AOPEP: variants seen among roughly 807,000 people sequenced by gnomAD.
AOPEP encodes aminopeptidase O.
AOPEP carries 77 observed loss-of-function variants against 98.1 expected under a neutral mutation model. The ratio of observed to expected loss-of-function variants is 0.78; its 90% confidence interval spans 0.65 to 0.95. The LOEUF is 0.95. AOPEP is among the 40% of genes least tolerant of loss of function. AOPEP has a pLI of 0.00. For synonymous variants in AOPEP, 346 were observed against 365.3 expected (o/e 0.95, Z 0.60); for missense variants, 1,024 against 1,024.7 (o/e 1.00, Z 0.01).
chr9:95,017,050 A>T (rs1413737744), intron 13 of AOPEP, among the ~76,000 whole-genome samples: 1 of 151,436 alleles, frequency 6.6e-6, no homozygotes, highest in Non-Finnish European at 1.5e-5. Context: ...TTCTACCATT[A>T]ATTTGGTGTC....
At chr9:94,752,932 C>T (rs1376670832) in intron 1 of AOPEP, among the ~76,000 whole-genome samples, 1 of 152,160 alleles carries the variant, frequency 6.6e-6, no homozygotes, top group African/African-American at 2.4e-5. Flanking sequence ...TGGGGGCTGC[C>T]AGCTACCATA....
intron 13 of AOPEP, 84 bp from the exon 14 acceptor site, chr9:95,060,610 T>C: frequency 1.1e-6 from 1 of 887,512 alleles, no homozygotes; most frequent in Non-Finnish European, 1.9e-6. Context: ...TTACCCTGGG[T>C]ATGTGGTCTT....
At position 94,911,423 on chromosome 9, in the gene AOPEP, G is replaced by C. The variant is rs1468380825; in HGVS notation, c.1365-12563G>C. On this transcript the variant is annotated intron_variant, in intron 5 of 16. Coordinates refer to ENST00000375315, the MANE Select transcript of AOPEP (RefSeq NM_001193329.3). ...GATTTCTCAGAGCAGCCACTGGCTTGGTGTCGTAGCTGAATGATGTCACTT... is the reference window on the plus strand; with the variant it reads ...GATTTCTCAGAGCAGCCACTGGCTTCGTGTCGTAGCTGAATGATGTCACTT... 5.9e-5 allele frequency among the ~76,000 whole-genome samples: 9 copies of C among 152,330 alleles called. No individual in the cohort carries two copies. In the East Asian group the frequency reaches 1.7e-3, roughly 29 times the overall value.
chr9:94,969,507 A>G (rs1277340297), intron 10 of AOPEP, among the ~76,000 whole-genome samples: 1 of 150,578 alleles, frequency 6.6e-6, no homozygotes, highest in Non-Finnish European at 1.5e-5. Context: ...ACCTGGATTC[A>G]AGCCATTCTT....
intron 7 of AOPEP, chr9:94,933,442 A>G (rs2055708855): frequency 4.1e-6 from 4 of 985,410 alleles, no homozygotes; most frequent in Non-Finnish European, 4.8e-6. Flanking sequence ...CCTGCTGAGG[A>G]AAACGTTAAA....
intron 7 of AOPEP, among the ~76,000 whole-genome samples, chr9:94,938,912 A>G (rs894017494): frequency 6.6e-6 from 1 of 152,194 alleles, no homozygotes; most frequent in Non-Finnish European, 1.5e-5. Context: ...TGGCCTAAAG[A>G]TCTGACTGAA....
intron 5 of AOPEP, among the ~76,000 whole-genome samples, chr9:94,850,524 T>C (rs2043422867): frequency 1.3e-5 from 2 of 152,204 alleles, no homozygotes; most frequent in Admixed American, 1.3e-4. Flanking sequence ...ACTCGTATCA[T>C]TTCCTTTTCA....
At chr9:94,750,189 G>T (rs1408545177) in intron 1 of AOPEP, among the ~76,000 whole-genome samples, 1 of 152,160 alleles carries the variant, frequency 6.6e-6, no homozygotes, top group African/African-American at 2.4e-5. Flanking sequence ...CAGAATATGG[G>T]ACTCTTGCTT....
intron 15 of AOPEP, 53 bp from the exon 16 acceptor site, chr9:95,082,518 CGTGT>C: frequency 6.3e-7 from 1 of 1,584,510 alleles, no homozygotes; most frequent in Non-Finnish European, 8.6e-7. Context: ...CTCATGTGTG[CGTGT>C]GTGTGGGTAC....
intron 5 of AOPEP, among the ~76,000 whole-genome samples, chr9:94,821,360 C>A (rs981693753): frequency 6.6e-6 from 1 of 152,160 alleles, no homozygotes; most frequent in African/African-American, 2.4e-5. Context: ...AAAGGGAAAT[C>A]ATATTTTACC....
chr9:95,044,227 G>A (rs576289575), intron 13 of AOPEP, among the ~76,000 whole-genome samples: 2 of 152,268 alleles, frequency 1.3e-5, no homozygotes, highest in African/African-American at 4.8e-5. Flanking sequence ...CTTAAAAAAA[G>A]TATTATCTTT....
chr9:95,129,444 T>A, the AOPEP span, among the ~76,000 whole-genome samples: 1 of 152,222 alleles, frequency 6.6e-6, no homozygotes, highest in Non-Finnish European at 1.5e-5. Context: ...CTCTGTAGCA[T>A]CTTCATGAGT....
At chr9:95,058,550 G>A (rs1229409433) in intron 13 of AOPEP, among the ~76,000 whole-genome samples, 1 of 152,194 alleles carries the variant, frequency 6.6e-6, no homozygotes, top group Non-Finnish European at 1.5e-5. Flanking sequence ...GTCTGGAGGG[G>A]CCTTGATGCC....
the AOPEP span, among the ~76,000 whole-genome samples, chr9:95,102,251 G>A: frequency 4.6e-5 from 7 of 152,208 alleles, no homozygotes; most frequent in African/African-American, 1.4e-4. Context: ...AGGCTCACAC[G>A]AACATGAGAA....
intron 10 of AOPEP, among the ~76,000 whole-genome samples, chr9:94,971,519 C>T (rs952773334): frequency 6.6e-6 from 1 of 152,202 alleles, no homozygotes; most frequent in Non-Finnish European, 1.5e-5. Flanking sequence ...AAAGGCCCCA[C>T]ACCTACCCCC....
intron 7 of AOPEP, chr9:94,935,219 A>G (rs2056072118): frequency 6.6e-6 from 1 of 152,268 alleles, no homozygotes; most frequent in Non-Finnish European, 1.5e-5. Context: ...CGCCCCAGCC[A>G]TGTAAGATGT....
At chr9:94,813,657 A>T (rs1348713001) in intron 5 of AOPEP, among the ~76,000 whole-genome samples, 2 of 152,168 alleles carry the variant, frequency 1.3e-5, no homozygotes, top group Admixed American at 6.5e-5. Context: ...ATGCAGGGTA[A>T]TGAGTCCCAG....
chr9:94,819,638 G>C (rs186972556), intron 5 of AOPEP, among the ~76,000 whole-genome samples: 2 of 150,586 alleles, frequency 1.3e-5, no homozygotes, highest in South Asian at 4.2e-4. Context: ...GCAATGGCAC[G>C]ATCTGGGCTC....
chr9:94,954,005 A>C (rs1028660342), intron 7 of AOPEP, among the ~76,000 whole-genome samples: 14 of 152,162 alleles, frequency 9.2e-5, no homozygotes, highest in Non-Finnish European at 1.5e-4. Flanking sequence ...CGCTGGTTTC[A>C]GTCCTAATGT....
Sources: allele counts gnomAD v4.1 joint callset (sites outside exome capture counted in the v4.1 genomes callset), GRCh38; gene constraint gnomAD v4.1.1; transcripts MANE v1.5; gene names NCBI Gene and HGNC (gene_info 2026-07-23, HGNC 2026-07-21).